MARCHF4: variants seen among roughly 807,000 people sequenced by gnomAD.
The protein encoded by MARCHF4 is E3 ubiquitin-protein ligase MARCHF4.
MARCHF4 carries 14 observed loss-of-function variants against 43.9 expected under a neutral mutation model. That is an observed-to-expected ratio of 0.32 (90% confidence interval 0.21 to 0.50). The LOEUF (loss-of-function observed/expected upper bound fraction) is 0.50. MARCHF4 is among the 20% of genes least tolerant of loss of function. MARCHF4 has a pLI of 0.98. For synonymous variants in MARCHF4, 226 were observed against 213.3 expected, an observed-to-expected ratio of 1.06 and a Z score of -0.52; for missense variants, 468 against 536.7, an observed-to-expected ratio of 0.87 and a Z score of 1.27.
At chr2:216,284,056 C>T (rs1330881438) in intron 1 of MARCHF4, among the ~76,000 whole-genome samples, 1 of 152,184 alleles carries the variant, frequency 6.6e-6, no homozygotes, top group African/African-American at 2.4e-5. Context: ...TGTCAGGCTG[C>T]AGAAGTGTCT....
intron 1 of MARCHF4, among the ~76,000 whole-genome samples, chr2:216,331,936 T>G (rs1692086369): frequency 6.6e-6 from 1 of 152,216 alleles, no homozygotes; most frequent in Non-Finnish European, 1.5e-5. Context: ...CATCACGATT[T>G]CTATTCGTAT....
At chr2:216,304,817 G>C (rs557395810) in intron 1 of MARCHF4, among the ~76,000 whole-genome samples, 1 of 152,064 alleles carries the variant, frequency 6.6e-6, no homozygotes, top group East Asian at 1.9e-4. Flanking sequence ...ATCCAGGCAT[G>C]GTGGCATGTG....
intron 1 of MARCHF4, among the ~76,000 whole-genome samples, chr2:216,305,378 G>A (rs1042621586): frequency 3.3e-5 from 5 of 152,196 alleles, no homozygotes; most frequent in African/African-American, 1.2e-4. Context: ...ATGGTCTATA[G>A]TTTGAATGCT....
At chr2:216,294,820 A>C (rs1691363479) in intron 1 of MARCHF4, among the ~76,000 whole-genome samples, 1 of 152,210 alleles carries the variant, frequency 6.6e-6, no homozygotes, top group African/African-American at 2.4e-5. Context: ...ACAAAGATAA[A>C]AATAAATACT....
At chr2:216,259,725 T>A (rs779021197) in intron 3 of MARCHF4, 46 bp from the exon 4 acceptor site, 43 of 1,573,892 alleles carry the variant, frequency 2.7e-5, no homozygotes, top group Non-Finnish European at 3.4e-5. Flanking sequence ...TGAGAGGAAG[T>A]GGGTCACGGC....
At chr2:216,260,190 C>T (rs960905943) in intron 3 of MARCHF4, among the ~76,000 whole-genome samples, 2 of 152,184 alleles carry the variant, frequency 1.3e-5, no homozygotes, top group Non-Finnish European at 2.9e-5. Context: ...TTATATCTGC[C>T]AGAGGCAGTG....
chr2:216,340,732 G>A (rs1336845068), intron 1 of MARCHF4, among the ~76,000 whole-genome samples: 3 of 152,228 alleles, frequency 2.0e-5, no homozygotes, highest in Non-Finnish European at 4.4e-5. Context: ...AGCTGTCTAT[G>A]AGCCAAGTAT....
chr2:216,302,242 G>A (rs536886557), intron 1 of MARCHF4, among the ~76,000 whole-genome samples: 4 of 151,826 alleles, frequency 2.6e-5, no homozygotes, highest in Non-Finnish European at 5.9e-5. Context: ...TTTTTGAGAC[G>A]GAGTCTCGCT....
chr2:216,269,813 G>A (rs1432493467), intron 3 of MARCHF4, among the ~76,000 whole-genome samples: 2 of 152,088 alleles, frequency 1.3e-5, no homozygotes, highest in African/African-American at 4.8e-5. Flanking sequence ...CTGAGCCCTG[G>A]GCCATTCTGT....
chr2:216,287,958 A>G (rs1691243921), intron 1 of MARCHF4, among the ~76,000 whole-genome samples: 2 of 151,964 alleles, frequency 1.3e-5, no homozygotes, highest in South Asian at 2.1e-4. Context: ...GGGTAATTGT[A>G]AGGATTTTTT....
In MARCHF4 at chr2:216,320,669, TTCTTTC is replaced by T. The variant is rs1283273711; in HGVS notation, c.517-36946_517-36941del. Among the ~76,000 whole-genome samples, 21 of 106,924 alleles carry T rather than the reference TTCTTTC, an allele frequency of 2.0e-4. 1 individual carries two copies. Among genetic ancestry groups the T allele is most frequent in the African/African-American group, 4.1e-4 (9 of 21,828 alleles). The allele number at this position is 106,924 out of a possible 152,430, so 70.1% of individuals were successfully genotyped here. On this transcript the variant is annotated intron_variant, in intron 1 of 3. Transcript: ENST00000273067. ...TTTCTTTCTTTCTTTCTTTCTTTCT[TTCTTTC>T]TTTTTTTTTTTTTGAGATGGAGTCC...
intron 3 of MARCHF4, among the ~76,000 whole-genome samples, chr2:216,267,485 G>A (rs12988570): frequency 2.0e-5 from 3 of 152,058 alleles, no homozygotes; most frequent in African/African-American, 7.2e-5. Context: ...AGAGATGGAA[G>A]GAGTTTGGGA....
At chr2:216,292,747 G>A (rs1281579359) in intron 1 of MARCHF4, among the ~76,000 whole-genome samples, 1 of 152,106 alleles carries the variant, frequency 6.6e-6, no homozygotes, top group African/African-American at 2.4e-5. Context: ...CGGCGGGGGA[G>A]GAGACAAAAG....
At chr2:216,343,866 G>T (rs1692270919) in intron 1 of MARCHF4, among the ~76,000 whole-genome samples, 1 of 152,194 alleles carries the variant, frequency 6.6e-6, no homozygotes, top group African/African-American at 2.4e-5. Flanking sequence ...GTAGCTAGAA[G>T]TACTATCTGG....
intron 1 of MARCHF4, among the ~76,000 whole-genome samples, chr2:216,327,155 T>TA: frequency 6.6e-6 from 1 of 152,110 alleles, no homozygotes. Context: ...TGTATTTTTT[T>TA]TTTAAATTGA....
chr2:216,302,813 G>A lies in MARCHF4; in HGVS notation c.517-19084C>T, dbSNP rs1432134870. Reference sequence around the variant, plus strand: ...CTTGAGAGGCTGTGGCAGGAGAATCGCTTGAACCTGGGAGGTGGAGGTTGC... The same window carrying A: ...CTTGAGAGGCTGTGGCAGGAGAATCACTTGAACCTGGGAGGTGGAGGTTGC... On this transcript the variant is annotated intron_variant, in intron 1 of 3. Coordinates refer to ENST00000273067, the MANE Select transcript of MARCHF4 (RefSeq NM_020814.3). Among the ~76,000 whole-genome samples, 7 of 148,184 alleles carry A rather than the reference G, an allele frequency of 4.7e-5. No individual in the cohort carries two copies. The East Asian group carries it at 8.0e-4, about 17-fold the overall frequency.
intron 1 of MARCHF4, among the ~76,000 whole-genome samples, chr2:216,344,805 C>T (rs940033439): frequency 1.3e-5 from 2 of 151,536 alleles, no homozygotes; most frequent in African/African-American, 2.4e-5. Context: ...TGTGTGGGTG[C>T]GAGCGGAGGT....
At chr2:216,339,658 C>T (rs1692208683) in intron 1 of MARCHF4, among the ~76,000 whole-genome samples, 1 of 152,174 alleles carries the variant, frequency 6.6e-6, no homozygotes, top group Non-Finnish European at 1.5e-5. Context: ...GTTTTACAAT[C>T]CTTTTCAAAT....
chr2:216,337,587 GTT>G (rs150212079), intron 1 of MARCHF4, among the ~76,000 whole-genome samples: 2,988 of 152,282 alleles, frequency 0.02, 105 homozygotes, highest in African/African-American at 0.068. Context: ...AGAAAAAAGA[GTT>G]TTTAATCACT....
Sources: gnomAD v4.1 joint callset for allele counts (sites outside exome capture counted in the v4.1 genomes callset) on GRCh38, gnomAD v4.1.1 for gene constraint, MANE v1.5 for transcripts, NCBI Gene and HGNC (gene_info 2026-07-23, HGNC 2026-07-21) for gene names.